Variants in DPY19L3 observed in about 807,000 individuals in gnomAD.
DPY19L3 encodes protein C-mannosyl-transferase DPY19L3.
In DPY19L3, 51 loss-of-function variants were observed where a neutral mutation model predicts 92.3. The observed-to-expected ratio is 0.55, with a 90% confidence interval of 0.44 to 0.70. The LOEUF is 0.70. Among genes scored for constraint, DPY19L3 ranks in the 30% least tolerant of loss-of-function variants. DPY19L3 has a pLI of 0.00. For synonymous variants in DPY19L3, 309 were observed against 315.2 expected, an observed-to-expected ratio of 0.98 and a Z score of 0.21; for missense variants, 706 against 855.9, an observed-to-expected ratio of 0.82 and a Z score of 2.18.
At chr19:32,468,195 A>C in intron 15 of DPY19L3, 7 of 921,270 alleles carry the variant, frequency 7.6e-6, no homozygotes, top group Non-Finnish European at 9.1e-6. Flanking sequence ...TAAATGAAAA[A>C]TAAATCCCAG....
At chr19:32,448,390 C>A (rs1969587509) in intron 8 of DPY19L3, among the ~76,000 whole-genome samples, 1 of 152,170 alleles carries the variant, frequency 6.6e-6, no homozygotes, top group African/African-American at 2.4e-5. Flanking sequence ...AACACAGGGG[C>A]TACTGGTGCC....
chr19:32,478,077 G>C (rs113145568), intron 17 of DPY19L3, among the ~76,000 whole-genome samples: 23 of 152,344 alleles, frequency 1.5e-4, no homozygotes, highest in African/African-American at 5.5e-4. Flanking sequence ...ACCACATCAT[G>C]TGGGACTTCA....
At chr19:32,471,179 G>A (rs1202416420) in intron 16 of DPY19L3, among the ~76,000 whole-genome samples, 1 of 152,294 alleles carries the variant, frequency 6.6e-6, no homozygotes, top group Non-Finnish European at 1.5e-5. Flanking sequence ...TTATTAGCAA[G>A]TATGAGTTGT....
Position 32,436,564 on chromosome 19 carries a change from A to G in DPY19L3, c.447A>G (p.Ile149Met). ...GTATTTTATATAGAGTTCTACCCAT[A>G]CAGGTATGTTTTGTGATATTGAATT... ...FLSILYRVLP[I>M]QKYLEPVYFY... Residue 149 changes from isoleucine to methionine, a missense_variant, in exon 5 of 19, where the codon ATA becomes ATG. Physicochemically the swap from Ile to Met is conservative, Grantham distance 10. Coordinates refer to ENST00000392250, the MANE Select transcript of DPY19L3 (RefSeq NM_001172774.2). 6.6e-7 allele frequency: 1 copy of G among 1,511,802 alleles called. No individual in the cohort carries two copies. Among genetic ancestry groups the G allele is most frequent in the Admixed American group, 2.1e-5 (1 of 47,682 alleles). The allele number at this position is 1,511,802 out of a possible 1,614,324, so 93.6% of individuals were successfully genotyped here. A position where few individuals can be genotyped will look rare whatever the true frequency, so the allele number is the denominator to read the frequency against.
intron 1 of DPY19L3, among the ~76,000 whole-genome samples, chr19:32,407,586 G>A (rs1968017771): frequency 6.6e-6 from 1 of 152,294 alleles, no homozygotes; most frequent in Non-Finnish European, 1.5e-5. Context: ...AACTGCTATG[G>A]CTCAGGGAGG....
At chr19:32,410,038 A>G (rs968745410) in intron 2 of DPY19L3, among the ~76,000 whole-genome samples, 4 of 152,200 alleles carry the variant, frequency 2.6e-5, no homozygotes, top group Non-Finnish European at 5.9e-5. Flanking sequence ...AGAGGCACCA[A>G]TTTATTCTTC....
intron 10 of DPY19L3, 82 bp from the exon 11 acceptor site, chr19:32,458,018 A>C: frequency 1.9e-6 from 2 of 1,058,046 alleles, no homozygotes; most frequent in Non-Finnish European, 2.8e-6. Flanking sequence ...TTGGACACTG[A>C]ATATGTAAAT....
intron 12 of DPY19L3, among the ~76,000 whole-genome samples, chr19:32,462,448 A>G (rs1258062791): frequency 6.6e-6 from 1 of 152,210 alleles, no homozygotes; most frequent in Non-Finnish European, 1.5e-5. Flanking sequence ...ATAACAAACC[A>G]CTGAAAGTGA....
At chr19:32,435,867 T>C (rs1969121340) in intron 4 of DPY19L3, among the ~76,000 whole-genome samples, 1 of 152,230 alleles carries the variant, frequency 6.6e-6, no homozygotes, top group Non-Finnish European at 1.5e-5. Context: ...ATCCTTCTCA[T>C]GACATGTCTG....
chr19:32,430,875 A>G (rs1968942067), intron 3 of DPY19L3, among the ~76,000 whole-genome samples: 2 of 146,338 alleles, frequency 1.4e-5, no homozygotes, highest in Non-Finnish European at 3.0e-5. Context: ...CAATCCACCC[A>G]CTTCAGCCTC....
intron 15 of DPY19L3, among the ~76,000 whole-genome samples, chr19:32,465,365 T>C (rs1429755638): frequency 6.6e-6 from 1 of 152,236 alleles, no homozygotes; most frequent in Non-Finnish European, 1.5e-5. Flanking sequence ...ACAATGATCA[T>C]TGGTCAGGTT....
At chr19:32,420,698 T>A (rs1968540637) in intron 3 of DPY19L3, among the ~76,000 whole-genome samples, 1 of 151,840 alleles carries the variant, frequency 6.6e-6, no homozygotes, top group South Asian at 2.1e-4. Flanking sequence ...GTTCCGCCCA[T>A]CTCTGCCTCC....
intron 7 of DPY19L3, 34 bp downstream of exon 7, chr19:32,439,269 C>G (rs1969248599): frequency 6.3e-7 from 1 of 1,590,864 alleles, no homozygotes; most frequent in Non-Finnish European, 8.6e-7. Context: ...TATTTTAATC[C>G]CCCAATTTTA....
chr19:32,472,529 G>C (rs1486706569), intron 16 of DPY19L3, among the ~76,000 whole-genome samples: 1 of 87,696 alleles, frequency 1.1e-5, no homozygotes, highest in Non-Finnish European at 2.0e-5. Flanking sequence ...TTAAAAACTT[G>C]GATTTTTTTT....
chr19:32,475,788 GT>G (rs1397093765), intron 16 of DPY19L3, among the ~76,000 whole-genome samples: 1 of 152,190 alleles, frequency 6.6e-6, no homozygotes, highest in African/African-American at 2.4e-5. Flanking sequence ...CCTGTAAATT[GT>G]TGATACGGGG....
At chr19:32,449,223 A>G (rs1969616865) in intron 8 of DPY19L3, among the ~76,000 whole-genome samples, 1 of 152,220 alleles carries the variant, frequency 6.6e-6, no homozygotes, top group African/African-American at 2.4e-5. Flanking sequence ...ATGTAACACA[A>G]AGTGACAATT....
intron 11 of DPY19L3, 21 bp from the exon 12 acceptor site, chr19:32,458,330 T>G (rs1306688074): frequency 6.2e-7 from 1 of 1,606,686 alleles, no homozygotes; most frequent in Non-Finnish European, 8.5e-7. Context: ...TTTAATACTT[T>G]GCTTTCCATT....
At chr19:32,432,964 G>T (rs979637533) in intron 4 of DPY19L3, among the ~76,000 whole-genome samples, 158 bp downstream of exon 4, 1 of 152,050 alleles carries the variant, frequency 6.6e-6, no homozygotes, top group Non-Finnish European at 1.5e-5. Flanking sequence ...TTTTGCTCTG[G>T]AAGAAGTTAT....
At chr19:32,453,412 G>T in intron 9 of DPY19L3, 136 bp downstream of exon 9, 1 of 844,908 alleles carries the variant, frequency 1.2e-6, no homozygotes, top group South Asian at 2.0e-5. Context: ...GGCATTGTGT[G>T]CTTTTTCTTG....
Sources: allele counts gnomAD v4.1 joint callset (sites outside exome capture counted in the v4.1 genomes callset), GRCh38; gene constraint gnomAD v4.1.1; transcripts MANE v1.5; gene names NCBI Gene and HGNC (gene_info 2026-07-23, HGNC 2026-07-21).